AHCYL2: variants seen among roughly 807,000 people sequenced by gnomAD.
AHCYL2 encodes the protein S-adenosylhomocysteine hydrolase-like protein 2.
AHCYL2 carries 28 observed loss-of-function variants against 81.4 expected under a neutral mutation model. That is an observed-to-expected ratio of 0.34 (90% confidence interval 0.25 to 0.47). The LOEUF (loss-of-function observed/expected upper bound fraction) is 0.47. Ranked by LOEUF, AHCYL2 falls within the 20% of genes least tolerant of loss-of-function variation. AHCYL2 has a pLI of 1.00. For synonymous variants in AHCYL2, 272 were observed against 290.2 expected (o/e 0.94, Z 0.64); for missense variants, 551 against 785.1 (o/e 0.70, Z 3.56).
rs113330357 is a variant in AHCYL2, at chr7:129,300,082, C to T, written c.363+74643C>T. Among the ~76,000 whole-genome samples the T allele has an allele frequency of 4.1e-3, 626 of 152,038 alleles. 4 individuals carry two copies. Among genetic ancestry groups the T allele is most frequent in the Non-Finnish European group, 5.4e-3 (366 of 67,982 alleles). Reference sequence around the variant, plus strand: ...GAATATTTGATACAGGCATATGTTGCGCAATAATTACATCAAGGTAAATGA... The same window carrying T: ...GAATATTTGATACAGGCATATGTTGTGCAATAATTACATCAAGGTAAATGA... On this transcript the variant is annotated intron_variant, in intron 1 of 16. Coordinates refer to ENST00000325006, the MANE Select transcript of AHCYL2 (RefSeq NM_015328.4).
intron 1 of AHCYL2, among the ~76,000 whole-genome samples, chr7:129,314,492 G>A (rs1009654976): frequency 3.9e-5 from 6 of 152,192 alleles, no homozygotes; most frequent in Non-Finnish European, 7.3e-5. Context: ...AGACCAGGAA[G>A]TTCAAGAACA....
rs765032562 is a variant in AHCYL2, at chr7:129,379,799, T to C, written c.475+50T>C. The C allele has an allele frequency of 4.2e-5, 60 of 1,423,968 alleles. No homozygotes were observed. In the South Asian group the frequency reaches 6.5e-4, roughly 15 times the overall value. 88.2% of individuals were successfully genotyped at this position (1,423,968 alleles called of 1,614,324 possible). A position where few individuals can be genotyped will look rare whatever the true frequency, so the allele number is the denominator to read the frequency against. On this transcript the variant is annotated intron_variant, in intron 2 of 16. Transcript: ENST00000325006. ...CAGCTGTTGAGGCTAATAAGTACGA[T>C]CTCAATGGGCCCTCCTGTCTATCCA...
chr7:129,280,200 C>T (rs1244915706), intron 1 of AHCYL2, among the ~76,000 whole-genome samples: 5 of 4,046 alleles, frequency 1.2e-3, no homozygotes, highest in Non-Finnish European at 0.014. Flanking sequence ...GAGAGAGTCT[C>T]GCTCTGTTGC....
intron 1 of AHCYL2, among the ~76,000 whole-genome samples, chr7:129,357,851 G>T (rs911147927): frequency 1.3e-5 from 2 of 151,144 alleles, no homozygotes; most frequent in African/African-American, 2.4e-5. Context: ...GGAGAATAGC[G>T]TGAATCCAGG....
At chr7:129,395,637 C>G (rs1795694040) in intron 4 of AHCYL2, among the ~76,000 whole-genome samples, 1 of 152,144 alleles carries the variant, frequency 6.6e-6, no homozygotes, top group African/African-American at 2.4e-5. Flanking sequence ...AGGCCCAATT[C>G]CTGCTCTTCC....
At chr7:129,385,094 G>A (rs115328799) in intron 2 of AHCYL2, among the ~76,000 whole-genome samples, 4 of 152,210 alleles carry the variant, frequency 2.6e-5, no homozygotes, top group Non-Finnish European at 5.9e-5. Context: ...GAAGACAGAA[G>A]TCCCTTCTTC....
intron 12 of AHCYL2, among the ~76,000 whole-genome samples, chr7:129,416,446 G>A (rs531884424): frequency 6.6e-6 from 1 of 152,178 alleles, no homozygotes; most frequent in Non-Finnish European, 1.5e-5. Flanking sequence ...AGTAGAGCAT[G>A]GTGGGAGAAT....
intron 1 of AHCYL2, among the ~76,000 whole-genome samples, chr7:129,363,290 A>T (rs1284712511): frequency 6.6e-6 from 1 of 152,080 alleles, no homozygotes; most frequent in Non-Finnish European, 1.5e-5. Flanking sequence ...GGTAAAGTGG[A>T]ATTATATTGG....
At chr7:129,375,612 A>G (rs926909289) in intron 1 of AHCYL2, 7 of 1,330,738 alleles carry the variant, frequency 5.3e-6, no homozygotes, top group African/African-American at 2.9e-5. Context: ...GGAAAAAAAC[A>G]AGTAAAAGCA....
At chr7:129,396,643 C>G (rs1212103029) in intron 4 of AHCYL2, among the ~76,000 whole-genome samples, 1 of 152,096 alleles carries the variant, frequency 6.6e-6, no homozygotes, top group Non-Finnish European at 1.5e-5. Flanking sequence ...AGGCTGGTCT[C>G]AAACTCCTGA....
chr7:129,288,118 G>A (rs1216915574), intron 1 of AHCYL2, among the ~76,000 whole-genome samples: 1 of 152,028 alleles, frequency 6.6e-6, no homozygotes, highest in Non-Finnish European at 1.5e-5. Flanking sequence ...TATTTTTTCA[G>A]TATGTTTGAA....
At chr7:129,381,873 C>G (rs1249954729) in intron 2 of AHCYL2, among the ~76,000 whole-genome samples, 1 of 152,174 alleles carries the variant, frequency 6.6e-6, no homozygotes, top group South Asian at 2.1e-4. Context: ...TCTGTAAACT[C>G]AGTGCTTTTA....
intron 4 of AHCYL2, among the ~76,000 whole-genome samples, chr7:129,396,418 C>G (rs943039633): frequency 2.0e-5 from 3 of 150,028 alleles, no homozygotes; most frequent in Non-Finnish European, 1.5e-5. Flanking sequence ...AGCCACCGCG[C>G]CCCGCCATTT....
intron 1 of AHCYL2, among the ~76,000 whole-genome samples, chr7:129,291,514 CT>C (rs34719441): frequency 3.1e-3 from 413 of 133,114 alleles, no homozygotes; most frequent in Middle Eastern, 3.8e-3. Flanking sequence ...TACCCGAGAC[CT>C]TTTTTTTTTT....
chr7:129,371,380 T>C (rs1342317874), intron 1 of AHCYL2, among the ~76,000 whole-genome samples: 1 of 152,190 alleles, frequency 6.6e-6, no homozygotes, highest in Non-Finnish European at 1.5e-5. Flanking sequence ...ATATAACAGC[T>C]GACAGTACTC....
chr7:129,282,244 G>A (rs1396937459), intron 1 of AHCYL2, among the ~76,000 whole-genome samples: 2 of 151,830 alleles, frequency 1.3e-5, no homozygotes, highest in East Asian at 3.9e-4. Flanking sequence ...GGTTCATTTA[G>A]CATCTTAGAT....
At chr7:129,356,288 A>G (rs1214931995) in intron 1 of AHCYL2, among the ~76,000 whole-genome samples, 1 of 152,180 alleles carries the variant, frequency 6.6e-6, no homozygotes, top group Non-Finnish European at 1.5e-5. Flanking sequence ...ATCTTCCTTA[A>G]GCATATTTTT....
At chr7:129,311,978 ACT>A (rs1161924292) in intron 1 of AHCYL2, among the ~76,000 whole-genome samples, 2 of 151,622 alleles carry the variant, frequency 1.3e-5, no homozygotes, top group African/African-American at 4.9e-5. Flanking sequence ...ATTCTGCTAC[ACT>A]CTTTTTTTTC....
intron 4 of AHCYL2, among the ~76,000 whole-genome samples, chr7:129,390,321 G>A (rs891611883): frequency 1.3e-5 from 2 of 152,194 alleles, no homozygotes; most frequent in African/African-American, 2.4e-5. Context: ...GATGTGCACA[G>A]ATTATATGCA....
Sources: allele counts gnomAD v4.1 joint callset (sites outside exome capture counted in the v4.1 genomes callset), GRCh38; gene constraint gnomAD v4.1.1; transcripts MANE v1.5; gene names NCBI Gene and HGNC (gene_info 2026-07-23, HGNC 2026-07-21).